Variants in RAPGEF2 observed in about 807,000 individuals in gnomAD.
RAPGEF2 encodes the protein PDZ domain containing guanine nucleotide exchange factor (GEF) 1.
RAPGEF2 carries 54 observed loss-of-function variants against 186.7 expected under a neutral mutation model. That is an observed-to-expected ratio of 0.29 (90% CI 0.23 to 0.36). The LOEUF (loss-of-function observed/expected upper bound fraction) is 0.36. Among genes scored for constraint, RAPGEF2 ranks in the 10% least tolerant of loss-of-function variants. The pLI is 1.00. For missense variants in RAPGEF2, 1,532 were observed against 2,045.0 expected, an observed-to-expected ratio of 0.75 and a Z score of 4.84; for synonymous variants, 712 against 705.9, an observed-to-expected ratio of 1.01 and a Z score of -0.14.
chr4:159,211,825 A>G (rs953226895), intron 4 of RAPGEF2, among the ~76,000 whole-genome samples: 9 of 152,208 alleles, frequency 5.9e-5, no homozygotes, highest in African/African-American at 2.2e-4. Flanking sequence ...AAATGGTCAC[A>G]TGAGGGAGGG....
At chr4:159,234,727 G>C (rs1320217909) in intron 4 of RAPGEF2, among the ~76,000 whole-genome samples, 4 of 151,446 alleles carry the variant, frequency 2.6e-5, no homozygotes, top group African/African-American at 9.7e-5. Flanking sequence ...CTCCCAAAGT[G>C]GGGGGATTAT....
chr4:159,269,827 G>A (rs963654495), intron 7 of RAPGEF2, among the ~76,000 whole-genome samples: 4 of 152,132 alleles, frequency 2.6e-5, no homozygotes, highest in Non-Finnish European at 4.4e-5. Context: ...GGGCAACATA[G>A]TGAAATCCAT....
intron 1 of RAPGEF2, among the ~76,000 whole-genome samples, chr4:159,159,157 C>T (rs1051779391): frequency 6.6e-6 from 1 of 152,208 alleles, no homozygotes; most frequent in Non-Finnish European, 1.5e-5. Flanking sequence ...CCTCTGCCAC[C>T]TCTGTGGTTT....
intron 3 of RAPGEF2, among the ~76,000 whole-genome samples, chr4:159,208,090 A>C (rs1750154724): frequency 1.3e-5 from 2 of 152,180 alleles, no homozygotes; most frequent in Admixed American, 6.5e-5. Flanking sequence ...TGTTTTCTTG[A>C]GGCATTGCTG....
intron 12 of RAPGEF2, 36 bp downstream of exon 12, chr4:159,330,046 A>AT (rs759073547): frequency 4.1e-5 from 65 of 1,570,446 alleles, no homozygotes; most frequent in Middle Eastern, 1.7e-4. Context: ...AAGGAAAGGA[A>AT]TTTTTTTTGG....
chr4:159,114,308 T>C (rs1223262018), intron 1 of RAPGEF2, among the ~76,000 whole-genome samples: 2 of 152,062 alleles, frequency 1.3e-5, no homozygotes, highest in African/African-American at 4.8e-5. Context: ...TTCACCATGT[T>C]GGTCAGGCTG....
intron 7 of RAPGEF2, among the ~76,000 whole-genome samples, chr4:159,304,092 A>G (rs1260912977): frequency 6.6e-6 from 1 of 152,178 alleles, no homozygotes; most frequent in African/African-American, 2.4e-5. Flanking sequence ...GTTTATCTTA[A>G]TAACCAAACC....
At chr4:159,148,873 A>C (rs571792805) in intron 1 of RAPGEF2, among the ~76,000 whole-genome samples, 1 of 152,318 alleles carries the variant, frequency 6.6e-6, no homozygotes, top group Admixed American at 6.5e-5. Flanking sequence ...TTAAATTTTG[A>C]TATTTTATAA....
rs763065777 is a variant in RAPGEF2 at position 159,323,585 on chromosome 4, G to A, written c.1117G>A (p.Gly373Arg). The A allele has an allele frequency of 1.2e-6, 2 of 1,607,088 alleles. No homozygotes were observed. Among genetic ancestry groups the A allele is most frequent in the African/African-American group, 1.3e-5 (1 of 74,540 alleles). Residue 373 changes from glycine (G) to arginine (R), a missense_variant, in exon 11 of 30, where the codon GGA becomes AGA. By Grantham distance (125) the Gly-to-Arg change is moderately radical. This residue lies in a region of RAPGEF2 where 810 missense variants were observed against 1,210.5 expected (regional missense o/e 0.67). Coordinates refer to ENST00000691494, the MANE Select transcript of RAPGEF2 (RefSeq NM_001394067.2). ...TACCATGGACAAAGAATACATGAAAGGAGTGATGAGAACAAAGGTGGATGA... is the reference window on the plus strand; with the variant it reads ...TACCATGGACAAAGAATACATGAAAAGAGTGATGAGAACAAAGGTGGATGA... The part of the protein sequence containing the change: ...SPTMDKEYMK[G>R]VMRTKVDDCQ...
chr4:159,209,429 G>A (rs918890451), intron 3 of RAPGEF2, among the ~76,000 whole-genome samples: 2 of 152,220 alleles, frequency 1.3e-5, no homozygotes, highest in African/African-American at 4.8e-5. Context: ...CATGGCCTTT[G>A]CACTCACACT....
intron 1 of RAPGEF2, among the ~76,000 whole-genome samples, chr4:159,136,853 A>G (rs1404840501): frequency 6.6e-6 from 1 of 152,188 alleles, no homozygotes; most frequent in Non-Finnish European, 1.5e-5. Flanking sequence ...TTGGAAATGT[A>G]TAGACATTAA....
chr4:159,327,880 G>A (rs1486000389), intron 11 of RAPGEF2: 1 of 149,930 alleles, frequency 6.7e-6, no homozygotes, highest in African/African-American at 2.4e-5. Flanking sequence ...TTCCTTTTTG[G>A]ATGGTGTTCC....
intron 7 of RAPGEF2, among the ~76,000 whole-genome samples, chr4:159,299,647 T>A (rs1374120203): frequency 6.6e-6 from 1 of 152,110 alleles, no homozygotes; most frequent in African/African-American, 2.4e-5. Context: ...TTTTAACTTA[T>A]TATTACTTAT....
intron 3 of RAPGEF2, among the ~76,000 whole-genome samples, chr4:159,201,916 C>T (rs893990036): frequency 1.3e-5 from 2 of 152,084 alleles, no homozygotes; most frequent in Non-Finnish European, 2.9e-5. Context: ...GATCAATAGC[C>T]CTCGATGATG....
intron 25 of RAPGEF2, among the ~76,000 whole-genome samples, chr4:159,348,869 T>C (rs943469142): frequency 1.3e-5 from 2 of 152,234 alleles, no homozygotes; most frequent in African/African-American, 4.8e-5. Context: ...AAAGTCACAG[T>C]ATATAAAATA....
At chr4:159,113,391 G>A (rs1243195958) in intron 1 of RAPGEF2, among the ~76,000 whole-genome samples, 1 of 152,134 alleles carries the variant, frequency 6.6e-6, no homozygotes, top group East Asian at 1.9e-4. Flanking sequence ...AGGAAGCATA[G>A]CTTTTGAAGT....
In RAPGEF2 at chr4:159,332,493, A is replaced by G. The variant is rs752510332; in HGVS notation, c.1931A>G (p.Asn644Ser). The part of the protein sequence containing the change: ...LLTRLSEEKR[N>S]GAPHLPKIGD... ...ACAAGATTGTCAGAAGAGAAAAGAA[A>G]TGGTGCCCCCCACCTTCCTAAAATT... The change falls in exon 17 of 30, where the codon AAT becomes AGT. Residue 644 changes from asparagine (N) to serine (S), a missense_variant. Transcript: ENST00000691494. 37 of 1,613,956 alleles carry G rather than the reference A, an allele frequency of 2.3e-5. No individual in the cohort carries two copies. Among genetic ancestry groups the G allele is most frequent in the Non-Finnish European group, 2.9e-5 (34 of 1,179,838 alleles).
At position 159,352,769 on chromosome 4, in the gene RAPGEF2, G is replaced by A; in HGVS notation, c.3950G>A (p.Ser1317Asn). 1 of 1,614,184 alleles carries A rather than the reference G, an allele frequency of 6.2e-7. No individual in the cohort carries two copies. The highest frequency in any genetic ancestry group is 8.5e-7 in the Non-Finnish European group (1 of 1,180,028). ...ATTTCTTCACGATCCAGTATTGTTAGCAATTCGTCTTTTGACTCAGTGCCA... is the reference window on the plus strand; with the variant it reads ...ATTTCTTCACGATCCAGTATTGTTAACAATTCGTCTTTTGACTCAGTGCCA... ...SEISSRSSIV[S>N]NSSFDSVPVS... The change falls in exon 27 of 30, where the codon AGC becomes AAC. Residue 1317 changes from serine to asparagine, a missense_variant. Transcript: ENST00000691494.
chr4:159,331,545 T>C lies in RAPGEF2; in HGVS notation c.1575+7T>C. 6.2e-7 allele frequency: 1 copy of C among 1,611,096 alleles called. No individual in the cohort carries two copies. Among genetic ancestry groups the C allele is most frequent in the Non-Finnish European group, 8.5e-7 (1 of 1,177,572 alleles). On this transcript the variant is annotated splice_region_variant and intron_variant, in intron 14 of 29. Coordinates refer to ENST00000691494, the MANE Select transcript of RAPGEF2 (RefSeq NM_001394067.2). ...AAACAATCTGGAAAGAGAGGTAATA[T>C]TTGTGGTTTTTTTTAAGATCAGCTT...
Sources: gnomAD v4.1 joint callset for allele counts (sites outside exome capture counted in the v4.1 genomes callset) on GRCh38, gnomAD v4.1.1 for gene constraint, gnomAD v4.1.1 regional missense constraint, MANE v1.5 for transcripts, NCBI Gene and HGNC (gene_info 2026-07-23, HGNC 2026-07-21) for gene names.